SPATA16: variants seen among roughly 807,000 people sequenced by gnomAD.
The protein encoded by SPATA16 is spermatogenesis-associated protein 16.
In SPATA16, 36 loss-of-function variants were observed where a neutral mutation model predicts 63.3. That is an observed-to-expected ratio of 0.57 (90% CI 0.44 to 0.75). SPATA16 has a LOEUF of 0.75. Among genes scored for constraint, SPATA16 ranks in the 30% least tolerant of loss-of-function variants. SPATA16 has a pLI of 0.00. For missense variants in SPATA16, 646 were observed against 679.3 expected (o/e 0.95, Z 0.54); for synonymous variants, 203 against 216.7 (o/e 0.94, Z 0.56).
chr3:173,133,708 T>C (rs1470774949), intron 1 of SPATA16, among the ~76,000 whole-genome samples: 1 of 152,070 alleles, frequency 6.6e-6, no homozygotes, highest in East Asian at 1.9e-4. Flanking sequence ...CAAGGAGAAA[T>C]TGACAAATCT....
chr3:172,923,775 A>G (rs369097691), intron 8 of SPATA16, among the ~76,000 whole-genome samples: 4 of 152,218 alleles, frequency 2.6e-5, no homozygotes, highest in East Asian at 1.9e-4. Context: ...GAAGCATCCA[A>G]TTCATCAGTG....
At chr3:172,957,091 T>A (rs1733614716) in intron 5 of SPATA16, among the ~76,000 whole-genome samples, 1 of 152,148 alleles carries the variant, frequency 6.6e-6, no homozygotes, top group African/African-American at 2.4e-5. Context: ...ATATAAATTC[T>A]GTTTCCTAAG....
chr3:173,077,536 C>G (rs1266950758), intron 2 of SPATA16, among the ~76,000 whole-genome samples: 1 of 152,158 alleles, frequency 6.6e-6, no homozygotes, highest in Admixed American at 6.5e-5. Context: ...AGTGTAAAAG[C>G]AGGCATGCTG....
intron 10 of SPATA16, among the ~76,000 whole-genome samples, chr3:172,910,450 G>A (rs1732344883): frequency 6.6e-6 from 1 of 152,012 alleles, no homozygotes; most frequent in Non-Finnish European, 1.5e-5. Context: ...GAGCTATTAT[G>A]GTTCTTGTGG....
At chr3:173,057,118 T>TTC (rs1553797784) in intron 2 of SPATA16, among the ~76,000 whole-genome samples, 1 of 150,118 alleles carries the variant, frequency 6.7e-6, no homozygotes, top group Non-Finnish European at 1.5e-5. Flanking sequence ...TTCTTTTCTT[T>TTC]TTTTTTTTTT....
At chr3:173,131,878 G>A (rs1474340921) in intron 1 of SPATA16, among the ~76,000 whole-genome samples, 2 of 152,052 alleles carry the variant, frequency 1.3e-5, no homozygotes, top group Non-Finnish European at 2.9e-5. Context: ...ACATCATCGG[G>A]ATCTTCTATA....
chr3:172,928,507 C>G (rs1003574004), intron 6 of SPATA16, among the ~76,000 whole-genome samples: 1 of 152,130 alleles, frequency 6.6e-6, no homozygotes. Context: ...TCTGGTGCAG[C>G]ACTATTGCCA....
At position 173,056,404 on chromosome 3, in the gene SPATA16, T is replaced by C. The variant is rs913034994; in HGVS notation, c.613-7310A>G. The stretch of plus-strand genomic sequence containing the variant: ...TTCATGAATAGTTGAGAATGTATGT[T>C]GCTGACATGTAAGAAATGCCGGGCG... On this transcript the variant is annotated intron_variant, in intron 2 of 10. Coordinates refer to ENST00000351008, the MANE Select transcript of SPATA16 (RefSeq NM_031955.6). Among the ~76,000 whole-genome samples the C allele has an allele frequency of 2.0e-5, 3 of 152,210 alleles. No homozygotes were observed. The East Asian group carries it at 5.8e-4, about 29-fold the overall frequency.
chr3:172,892,983 A>G (rs1012312218), intron 10 of SPATA16, among the ~76,000 whole-genome samples: 1 of 152,188 alleles, frequency 6.6e-6, no homozygotes, highest in Non-Finnish European at 1.5e-5. Flanking sequence ...AGGATGTCTG[A>G]TGATTGAGGG....
At chr3:172,973,927 G>C (rs376156083) in intron 5 of SPATA16, among the ~76,000 whole-genome samples, 1 of 152,124 alleles carries the variant, frequency 6.6e-6, no homozygotes, top group Non-Finnish European at 1.5e-5. Flanking sequence ...GTCATGACAA[G>C]TTATTTTCAA....
chr3:172,891,809 C>T (rs1371705361), intron 10 of SPATA16, among the ~76,000 whole-genome samples: 1 of 152,212 alleles, frequency 6.6e-6, no homozygotes, highest in Admixed American at 6.5e-5. Flanking sequence ...TCAGGTCAAA[C>T]ATCAATGCTT....
chr3:173,066,096 T>C (rs148934504), intron 2 of SPATA16, among the ~76,000 whole-genome samples: 57 of 152,188 alleles, frequency 3.7e-4, no homozygotes, highest in African/African-American at 1.3e-3. Flanking sequence ...AAGAGTGCAG[T>C]GGACTGTGCC....
At chr3:173,087,626 T>C (rs1423448325) in intron 2 of SPATA16, among the ~76,000 whole-genome samples, 1 of 152,222 alleles carries the variant, frequency 6.6e-6, no homozygotes, top group Non-Finnish European at 1.5e-5. Flanking sequence ...GTCATTGGTC[T>C]GTGTACTTCA....
intron 2 of SPATA16, among the ~76,000 whole-genome samples, chr3:173,088,727 A>G (rs35923115): frequency 0.023 from 3,535 of 152,340 alleles, 64 homozygotes; most frequent in Non-Finnish European, 0.037. Flanking sequence ...GAGAAAACTC[A>G]GATTATATTT....
rs776214974 is a variant in SPATA16 at position 172,916,433 on chromosome 3, T to G, written c.1387A>C (p.Ser463Arg). The change falls in exon 9 of 11, where the codon AGC (serine) becomes CGC (arginine). Residue 463 changes from serine (S) to arginine (R), a missense_variant. Physicochemically the swap from Ser to Arg is moderately radical, Grantham distance 110. Transcript: ENST00000351008. The stretch of plus-strand genomic sequence containing the variant: ...ACTCTCTGCAGCTGGCTGAGGAGGC[T>G]GGCATATTGCAACTTCTCCATCACA... Reference protein sequence around the residue: ...SGVMEKLQYASLLSQLQRVKE... With the variant: ...SGVMEKLQYARLLSQLQRVKE... 9 of 1,613,758 alleles carry G rather than the reference T, an allele frequency of 5.6e-6. No individual in the cohort carries two copies. Among genetic ancestry groups the G allele is most frequent in the Admixed American group, 3.3e-5 (2 of 59,996 alleles).
intron 2 of SPATA16, among the ~76,000 whole-genome samples, chr3:173,081,522 G>C (rs1009236229): frequency 5.9e-5 from 9 of 151,998 alleles, no homozygotes; most frequent in African/African-American, 2.2e-4. Flanking sequence ...CCATTGAATC[G>C]TTAAAGAGGA....
intron 6 of SPATA16, 104 bp from the exon 7 acceptor site, chr3:172,925,596 C>T: frequency 7.2e-7 from 1 of 1,389,362 alleles, no homozygotes; most frequent in Non-Finnish European, 1.0e-6. Flanking sequence ...AAAATAATAA[C>T]TATAAATGTG....
At chr3:173,028,078 T>C (rs28585455) in intron 3 of SPATA16, among the ~76,000 whole-genome samples, 796 of 71,484 alleles carry the variant, frequency 0.011, 23 homozygotes, top group African/African-American at 0.017. Flanking sequence ...TTCCTTCCTT[T>C]CTCTCTCTCT....
intron 4 of SPATA16, among the ~76,000 whole-genome samples, chr3:172,990,098 A>G (rs1734541067): frequency 2.6e-5 from 4 of 152,220 alleles, no homozygotes; most frequent in Admixed American, 2.6e-4. Flanking sequence ...CATCTACAGT[A>G]GAAAGTAATT....
Sources: gnomAD v4.1 joint callset for allele counts (sites outside exome capture counted in the v4.1 genomes callset) on GRCh38, gnomAD v4.1.1 for gene constraint, MANE v1.5 for transcripts, NCBI Gene and HGNC (gene_info 2026-07-23, HGNC 2026-07-21) for gene names.